The following TSPAN5 variants were observed in gnomAD, a reference collection of about 807,000 sequenced individuals.
TSPAN5 encodes the protein tetraspanin 5, also known as tetraspanin-5.
TSPAN5 carries 10 observed loss-of-function variants against 37.1 expected under a neutral mutation model. The observed-to-expected ratio is 0.27, with a 90% CI of 0.17 to 0.46. TSPAN5 has a LOEUF of 0.46. Among genes scored for constraint, TSPAN5 ranks in the 20% least tolerant of loss-of-function variants. The probability of loss-of-function intolerance (pLI) is 1.00; values close to 1 mark genes in which losing one functional copy is unlikely to be tolerated. For synonymous variants in TSPAN5, 110 were observed against 118.9 expected (o/e 0.93, Z 0.48); for missense variants, 195 against 326.6 (o/e 0.60, Z 3.11).
At position 98,484,861 on chromosome 4, in the gene TSPAN5, C is replaced by T. The variant is rs1018361754; in HGVS notation, c.279+1877G>A. 1.2e-5 allele frequency: 3 copies of T among 248,540 alleles called. No homozygotes were observed. In the South Asian group the frequency reaches 1.4e-4, roughly 12 times the overall value. The allele number at this position is 248,540 out of a possible 1,614,324, so 15.4% of individuals were successfully genotyped here. On this transcript the variant is annotated intron_variant, in intron 3 of 7. Transcript: ENST00000305798. The stretch of plus-strand genomic sequence containing the variant: ...GGTATGGTGGCTCACGCCTGTAATC[C>T]CAGCACTTTGGGAGGCTGAGGCGGG...
intron 1 of TSPAN5, among the ~76,000 whole-genome samples, chr4:98,652,865 T>C (rs182227732): frequency 5.8e-4 from 88 of 152,208 alleles, no homozygotes; most frequent in Middle Eastern, 3.2e-3. Flanking sequence ...TTTATGGTGG[T>C]TGAAACATGA....
intron 2 of TSPAN5, among the ~76,000 whole-genome samples, chr4:98,495,454 G>A (rs1280382161): frequency 6.6e-6 from 1 of 151,694 alleles, no homozygotes; most frequent in Non-Finnish European, 1.5e-5. Context: ...GAACCCGGGA[G>A]GCGGACCTTG....
At chr4:98,618,271 A>C (rs910263058) in intron 1 of TSPAN5, among the ~76,000 whole-genome samples, 1 of 152,204 alleles carries the variant, frequency 6.6e-6, no homozygotes, top group Non-Finnish European at 1.5e-5. Context: ...CAAAAAAAAA[A>C]AGTCACCAGT....
chr4:98,516,584 T>C lies in TSPAN5; in HGVS notation c.82-8856A>G, dbSNP rs78522319. 7.5e-4 allele frequency among the ~76,000 whole-genome samples: 114 copies of C among 152,356 alleles called. 1 individual carries two copies. The East Asian group carries it at 0.019, about 25-fold the overall frequency. On this transcript the variant is annotated intron_variant, in intron 1 of 7. Transcript: ENST00000305798. Reference sequence around the variant, plus strand: ...ACATGCAGCCAAAAGCATTCTGCTATGGTTTGAGCACGGTTTGTCTGCCCT... The same window carrying C: ...ACATGCAGCCAAAAGCATTCTGCTACGGTTTGAGCACGGTTTGTCTGCCCT...
chr4:98,641,327 T>C (rs138703971), intron 1 of TSPAN5, among the ~76,000 whole-genome samples: 2 of 152,228 alleles, frequency 1.3e-5, no homozygotes, highest in Non-Finnish European at 2.9e-5. Context: ...TTAAATGAAA[T>C]ATAAAAATAT....
chr4:98,498,446 G>A (rs139488259), intron 2 of TSPAN5, among the ~76,000 whole-genome samples: 150 of 152,242 alleles, frequency 9.9e-4, no homozygotes, highest in African/African-American at 3.4e-3. Flanking sequence ...TCTTGCCTCT[G>A]ATTTCACTGA....
At chr4:98,548,782 T>G (rs1754530098) in intron 1 of TSPAN5, among the ~76,000 whole-genome samples, 1 of 152,146 alleles carries the variant, frequency 6.6e-6, no homozygotes. Flanking sequence ...GCATTTGCCT[T>G]TCTGTTTCTG....
intron 3 of TSPAN5, chr4:98,484,628 G>A (rs983512997): frequency 8.9e-6 from 4 of 450,370 alleles, no homozygotes; most frequent in East Asian, 1.4e-4. Flanking sequence ...ATATTAAAGG[G>A]GCCACCACTA....
At chr4:98,497,837 G>A (rs568140821) in intron 2 of TSPAN5, among the ~76,000 whole-genome samples, 1 of 152,258 alleles carries the variant, frequency 6.6e-6, no homozygotes. Flanking sequence ...ATGGGGAGGG[G>A]CAGAAGGTCC....
rs995333532 is a variant in TSPAN5 at position 98,635,801 on chromosome 4, C to T, written c.81+22345G>A. Among the ~76,000 whole-genome samples the T allele has an allele frequency of 8.5e-5, 13 of 152,300 alleles. No homozygotes were observed. In the Middle Eastern group the frequency reaches 0.01, roughly 120 times the overall value. ...TGGCCAGAAGAAAATTAGACAAATACTCTTTTTAGTATCATTATAGATTTA... is the reference window on the plus strand; with the variant it reads ...TGGCCAGAAGAAAATTAGACAAATATTCTTTTTAGTATCATTATAGATTTA... On this transcript the variant is annotated intron_variant, in intron 1 of 7. Transcript: ENST00000305798.
At chr4:98,532,487 T>G (rs1461427825) in intron 1 of TSPAN5, among the ~76,000 whole-genome samples, 2 of 152,178 alleles carry the variant, frequency 1.3e-5, no homozygotes, top group South Asian at 4.1e-4. Flanking sequence ...TTTGGCTCTC[T>G]GTTTGTCTGT....
chr4:98,592,676 A>T lies in TSPAN5; in HGVS notation c.81+65470T>A, dbSNP rs536474300. Reference sequence around the variant, plus strand: ...TGTTCAATTCCCACCTATGAGTGAGAATATGCGGTGTTTGGTTTTTTTGTT... The same window carrying T: ...TGTTCAATTCCCACCTATGAGTGAGTATATGCGGTGTTTGGTTTTTTTGTT... On this transcript the variant is annotated intron_variant, in intron 1 of 7. Coordinates refer to ENST00000305798, the MANE Select transcript of TSPAN5 (RefSeq NM_005723.4). Among the ~76,000 whole-genome samples the T allele has an allele frequency of 2.4e-3, 346 of 144,536 alleles. 2 individuals carry two copies. The highest frequency in any genetic ancestry group is 8.7e-3 in the African/African-American group (338 of 38,638). 94.8% of individuals were successfully genotyped at this position (144,536 alleles called of 152,430 possible). A position where few individuals can be genotyped will look rare whatever the true frequency, so the allele number is the denominator to read the frequency against.
intron 1 of TSPAN5, among the ~76,000 whole-genome samples, chr4:98,582,508 T>C (rs1293208693): frequency 6.6e-6 from 1 of 152,216 alleles, no homozygotes; most frequent in African/African-American, 2.4e-5. Context: ...GTTTTGACAG[T>C]CAAAACAGGC....
chr4:98,498,289 T>G (rs1263853369), intron 2 of TSPAN5, among the ~76,000 whole-genome samples: 1 of 152,174 alleles, frequency 6.6e-6, no homozygotes, highest in Non-Finnish European at 1.5e-5. Flanking sequence ...CTGGGCCGCC[T>G]GACCCAAGAG....
intron 1 of TSPAN5, among the ~76,000 whole-genome samples, chr4:98,543,994 A>T (rs1754416054): frequency 6.6e-6 from 1 of 152,044 alleles, no homozygotes. Flanking sequence ...AGTGGGCAAC[A>T]TAGTGAGATC....
intron 1 of TSPAN5, among the ~76,000 whole-genome samples, chr4:98,536,643 T>C (rs1754239441): frequency 6.6e-6 from 1 of 152,164 alleles, no homozygotes; most frequent in South Asian, 2.1e-4. Flanking sequence ...GATGGAGGTT[T>C]TATCTATAAG....
chr4:98,654,470 C>T (rs1757256901), intron 1 of TSPAN5, among the ~76,000 whole-genome samples: 1 of 152,154 alleles, frequency 6.6e-6, no homozygotes, highest in South Asian at 2.1e-4. Flanking sequence ...TCTTTCTTCT[C>T]CCTCCCCCAA....
At chr4:98,658,028 T>C (rs941302746) in intron 1 of TSPAN5, 118 bp downstream of exon 1, 4 of 885,478 alleles carry the variant, frequency 4.5e-6, no homozygotes, top group African/African-American at 1.6e-5. Context: ...AATGCCTCTA[T>C]GCTGCTCCGG....
At chr4:98,552,428 C>T (rs1363087106) in intron 1 of TSPAN5, among the ~76,000 whole-genome samples, 1 of 152,186 alleles carries the variant, frequency 6.6e-6, no homozygotes, top group East Asian at 1.9e-4. Flanking sequence ...CTTCATTCTT[C>T]ATCGACCTTT....
Sources: allele counts gnomAD v4.1 joint callset (sites outside exome capture counted in the v4.1 genomes callset), GRCh38; gene constraint gnomAD v4.1.1; transcripts MANE v1.5; gene names NCBI Gene and HGNC (gene_info 2026-07-23, HGNC 2026-07-21).